EPHB1: variants seen among roughly 807,000 people sequenced by gnomAD.
The protein encoded by EPHB1 is ephrin type-B receptor 1.
A neutral mutation model predicts 94.4 loss-of-function variants in EPHB1; 30 were observed. The observed-to-expected ratio is 0.32, with a 90% CI of 0.24 to 0.43. The LOEUF is 0.43. Among genes scored for constraint, EPHB1 ranks in the 20% least tolerant of loss-of-function variants. EPHB1 has a pLI of 1.00. For synonymous variants in EPHB1, 522 were observed against 489.1 expected, an observed-to-expected ratio of 1.07 and a Z score of -0.89; for missense variants, 1,055 against 1,308.3, an observed-to-expected ratio of 0.81 and a Z score of 2.99.
At chr3:135,009,274 A>G (rs1935536160) in intron 3 of EPHB1, among the ~76,000 whole-genome samples, 1 of 152,136 alleles carries the variant, frequency 6.6e-6, no homozygotes, top group Non-Finnish European at 1.5e-5. Context: ...CATGAGGAGG[A>G]CAGGGCCTGG....
At chr3:135,204,082 G>C (rs753121497) in intron 12 of EPHB1, among the ~76,000 whole-genome samples, 1 of 152,144 alleles carries the variant, frequency 6.6e-6, no homozygotes, top group Non-Finnish European at 1.5e-5. Flanking sequence ...TTTGATACGG[G>C]CATGCAATGC....
chr3:135,092,830 T>G (rs1319063692), intron 3 of EPHB1, among the ~76,000 whole-genome samples: 1 of 152,214 alleles, frequency 6.6e-6, no homozygotes, highest in African/African-American at 2.4e-5. Flanking sequence ...TTTTGACATG[T>G]TGACCAGGCT....
At position 135,186,259 on chromosome 3, in the gene EPHB1, C is replaced by G. The variant is rs140559997; in HGVS notation, c.1882+6277C>G. Among the ~76,000 whole-genome samples, 574 of 152,314 alleles carry G rather than the reference C, an allele frequency of 3.8e-3. 3 individuals carry two copies. Among genetic ancestry groups the G allele is most frequent in the African/African-American group, 0.013 (546 of 41,572 alleles). On this transcript the variant is annotated intron_variant, in intron 10 of 15. Coordinates refer to ENST00000398015, the MANE Select transcript of EPHB1 (RefSeq NM_004441.5). ...ACCGTGGCTGTCAAGCAGGTTCCAT[C>G]TCATGTGCCAACTCAGTGGCCTGGT...
rs1019248536 is a variant in EPHB1, at chr3:135,192,967, T to C, written c.2130+144T>C. 6 of 1,209,540 alleles carry C rather than the reference T, an allele frequency of 5.0e-6. No homozygotes were observed. The African/African-American group carries it at 7.6e-5, about 15-fold the overall frequency. The allele number at this position is 1,209,540 out of a possible 1,614,324, so 74.9% of individuals were successfully genotyped here. ...ATTGGAGATGTTAGCAGAGATTTGT[T>C]GCTAAAAGAAGAGAACAAAACAGGG... On this transcript the variant is annotated intron_variant, in intron 11 of 15. Transcript: ENST00000398015.
chr3:135,127,084 A>G (rs1214821671), intron 4 of EPHB1, among the ~76,000 whole-genome samples: 1 of 152,230 alleles, frequency 6.6e-6, no homozygotes, highest in Non-Finnish European at 1.5e-5. Context: ...CTGACCTACC[A>G]TCTTTCAGAT....
Position 134,812,254 on chromosome 3 carries a change from A to G in EPHB1, c.58+16565A>G, listed in dbSNP as rs537210621. Among the ~76,000 whole-genome samples the G allele has an allele frequency of 5.9e-5, 9 of 152,224 alleles. No homozygotes were observed. In the East Asian group the frequency reaches 1.7e-3, roughly 29 times the overall value. Reference sequence around the variant, plus strand: ...GATGTAGATCGTTCTCATCACCCTCATGTCCCTTCATGGTCATGTGCCTCC... The same window carrying G: ...GATGTAGATCGTTCTCATCACCCTCGTGTCCCTTCATGGTCATGTGCCTCC... On this transcript the variant is annotated intron_variant, in intron 1 of 15. Transcript: ENST00000398015.
chr3:135,022,913 G>C (rs1235270327), intron 3 of EPHB1, among the ~76,000 whole-genome samples: 1 of 152,086 alleles, frequency 6.6e-6, no homozygotes, highest in East Asian at 1.9e-4. Flanking sequence ...TATAACTTTA[G>C]AGCTCATGTG....
intron 4 of EPHB1, among the ~76,000 whole-genome samples, chr3:135,129,050 G>T (rs1013614251): frequency 7.9e-5 from 12 of 152,110 alleles, no homozygotes; most frequent in African/African-American, 2.9e-4. Context: ...ATGTACTCCT[G>T]CACTCAACAA....
At chr3:134,918,841 T>C (rs1441214245) in intron 1 of EPHB1, among the ~76,000 whole-genome samples, 1 of 152,244 alleles carries the variant, frequency 6.6e-6, no homozygotes, top group Non-Finnish European at 1.5e-5. Context: ...CTGAAATTAT[T>C]TTCTTTGGAC....
chr3:134,923,050 G>C (rs956690297), intron 1 of EPHB1, among the ~76,000 whole-genome samples: 2 of 152,186 alleles, frequency 1.3e-5, no homozygotes, highest in African/African-American at 4.8e-5. Context: ...TATTAGTGCT[G>C]TGAAGTGGAG....
chr3:135,243,278 A>G (rs183597867), intron 13 of EPHB1, among the ~76,000 whole-genome samples: 164 of 152,248 alleles, frequency 1.1e-3, no homozygotes, highest in Admixed American at 1.7e-3. Context: ...AGAATTCCCA[A>G]GTTATTCATT....
intron 12 of EPHB1, among the ~76,000 whole-genome samples, chr3:135,218,708 A>C (rs895586859): frequency 2.6e-5 from 4 of 152,246 alleles, no homozygotes; most frequent in African/African-American, 7.2e-5. Context: ...TATGTGCATA[A>C]CACTGCAGTT....
intron 3 of EPHB1, among the ~76,000 whole-genome samples, chr3:135,014,271 A>T (rs562577283): frequency 5.3e-5 from 8 of 152,296 alleles, no homozygotes; most frequent in African/African-American, 1.9e-4. Context: ...GCAGGGACAG[A>T]AGCGCCATCC....
In EPHB1 at chr3:135,192,715, G is replaced by A. The variant is rs2107710029; in HGVS notation, c.2022G>A (p.Gln674=). 1 of 1,614,194 alleles carries A rather than the reference G, an allele frequency of 6.2e-7. No individual in the cohort carries two copies. The highest frequency in any genetic ancestry group is 8.5e-7 in the Non-Finnish European group (1 of 1,180,038). ...DFLSEASIMG[Q]FDHPNIIRLE... Reference sequence around the variant, plus strand: ...TGAGTGAGGCGAGCATCATGGGCCAGTTCGACCATCCTAACATCATTCGCC... The same window carrying A: ...TGAGTGAGGCGAGCATCATGGGCCAATTCGACCATCCTAACATCATTCGCC... The change falls in exon 11 of 16, where the codon CAG becomes CAA. Residue 674 remains glutamine (Q), a synonymous_variant. Transcript: ENST00000398015.
chr3:134,868,078 G>C (rs2037418760), intron 1 of EPHB1, among the ~76,000 whole-genome samples: 1 of 152,146 alleles, frequency 6.6e-6, no homozygotes, highest in South Asian at 2.1e-4. Flanking sequence ...GATGAGTTAA[G>C]GTTTAATGAA....
intron 1 of EPHB1, among the ~76,000 whole-genome samples, chr3:134,871,903 C>A (rs2037507222): frequency 2.6e-5 from 4 of 152,196 alleles, no homozygotes; most frequent in Non-Finnish European, 4.4e-5. Context: ...TCTCCCTCAT[C>A]CAGAGGCTCT....
At chr3:135,158,660 A>G (rs1249444073) in intron 6 of EPHB1, among the ~76,000 whole-genome samples, 1 of 152,168 alleles carries the variant, frequency 6.6e-6, no homozygotes, top group Non-Finnish European at 1.5e-5. Flanking sequence ...GATGCCATCA[A>G]GCTGATGACA....
intron 12 of EPHB1, among the ~76,000 whole-genome samples, chr3:135,235,001 C>T (rs1943615046): frequency 6.6e-6 from 1 of 151,272 alleles, no homozygotes; most frequent in South Asian, 2.1e-4. Context: ...AACACAAATA[C>T]CCCTCTTCTC....
At chr3:134,865,793 T>C (rs914010359) in intron 1 of EPHB1, among the ~76,000 whole-genome samples, 1 of 152,216 alleles carries the variant, frequency 6.6e-6, no homozygotes, top group African/African-American at 2.4e-5. Context: ...AAGCTAGTAA[T>C]TAAGACTCTT....
Sources: allele counts gnomAD v4.1 joint callset (sites outside exome capture counted in the v4.1 genomes callset), GRCh38; gene constraint gnomAD v4.1.1; transcripts MANE v1.5; gene names NCBI Gene and HGNC (gene_info 2026-07-23, HGNC 2026-07-21).